The following PCGF5 variants were observed in gnomAD, a reference collection of about 807,000 sequenced individuals.
PCGF5 encodes the protein polycomb group ring finger 5.
Under a neutral mutation model 44.3 loss-of-function variants are expected in PCGF5, and 9 were observed. The ratio of observed to expected loss-of-function variants is 0.20; its 90% CI spans 0.12 to 0.35. PCGF5 has a LOEUF of 0.35. Ranked by LOEUF, PCGF5 falls within the 10% of genes least tolerant of loss-of-function variation. The pLI is 1.00. For synonymous variants in PCGF5, 95 were observed against 102.5 expected (o/e 0.93, Z 0.44); for missense variants, 146 against 305.3 (o/e 0.48, Z 3.89).
intron 6 of PCGF5, among the ~76,000 whole-genome samples, chr10:91,252,051 A>G (rs1395082502): frequency 6.6e-6 from 1 of 151,846 alleles, no homozygotes; most frequent in African/African-American, 2.4e-5. Flanking sequence ...AGTTTAAAAC[A>G]CTCTGCTTTT....
chr10:91,248,612 C>A (rs2133372247), intron 4 of PCGF5, 52 bp downstream of exon 4: 1 of 1,596,936 alleles, frequency 6.3e-7, no homozygotes, highest in Non-Finnish European at 8.6e-7. Flanking sequence ...GAAATCAACA[C>A]TTCTATTAAA....
chr10:91,217,321 C>T (rs750639975), upstream of PCGF5, among the ~76,000 whole-genome samples: 1 of 152,204 alleles, frequency 6.6e-6, no homozygotes, highest in Non-Finnish European at 1.5e-5. Flanking sequence ...CATGAGCCAC[C>T]GCACCCAGCT....
chr10:91,206,492 A>G (rs899283086), intron 1 of PCGF5, among the ~76,000 whole-genome samples: 7 of 152,168 alleles, frequency 4.6e-5, no homozygotes, highest in African/African-American at 1.7e-4. Context: ...ATCACCTGGG[A>G]TGAAACTAGC....
At chr10:91,162,862 C>A, upstream of PCGF5, 1 of 149,702 alleles carries the variant, frequency 6.7e-6, no homozygotes, top group South Asian at 1.8e-4. Flanking sequence ...GCGCTCGCCC[C>A]GCGCCCGCCG....
chr10:91,186,831 T>TTACATTTATA (rs1182794084), intron 1 of PCGF5, among the ~76,000 whole-genome samples: 1 of 152,078 alleles, frequency 6.6e-6, no homozygotes, highest in Non-Finnish European at 1.5e-5. Flanking sequence ...GGGGATTGCT[T>TTACATTTATA]TACATTTATA....
rs1050158374 is a variant in PCGF5 at position 91,284,296 on chromosome 10, G to A, written c.*5980G>A. ...TTTGTCATCTTTAATATTAGTCACT[G>A]TAGATTGCAGCCTTCATTAAAAATA... On this transcript the variant is annotated 3_prime_UTR_variant, in exon 10 of 10. Transcript: ENST00000336126. The A allele has an allele frequency of 5.2e-5, 8 of 152,468 alleles. No individual in the cohort carries two copies. Among genetic ancestry groups the A allele is most frequent in the Admixed American group, 6.5e-5 (1 of 15,276 alleles). 9.4% of individuals were successfully genotyped at this position (152,468 alleles called of 1,614,324 possible). A position where few individuals can be genotyped will look rare whatever the true frequency, so the allele number is the denominator to read the frequency against.
chr10:91,231,012 A>G (rs1249311593), intron 2 of PCGF5, among the ~76,000 whole-genome samples: 1 of 152,052 alleles, frequency 6.6e-6, no homozygotes, highest in Non-Finnish European at 1.5e-5. Flanking sequence ...AGCCTCCCAT[A>G]GTGCTGGAAT....
At chr10:91,276,843 G>A (rs1218712494) in intron 9 of PCGF5, among the ~76,000 whole-genome samples, 1 of 152,152 alleles carries the variant, frequency 6.6e-6, no homozygotes, top group African/African-American at 2.4e-5. Context: ...GCAAGCTGTG[G>A]GTTGGGTGAG....
intron 1 of PCGF5, among the ~76,000 whole-genome samples, chr10:91,171,139 CTG>C (rs143682185): frequency 0.037 from 5,571 of 152,166 alleles, 357 homozygotes; most frequent in African/African-American, 0.13. Context: ...TGAAACTACT[CTG>C]TGATATAACA....
At chr10:91,196,005 G>T (rs372282252) in intron 1 of PCGF5, among the ~76,000 whole-genome samples, 1 of 150,282 alleles carries the variant, frequency 6.7e-6, no homozygotes, top group Non-Finnish European at 1.5e-5. Flanking sequence ...AGATAAAATT[G>T]GGGTGGGTGG....
At position 91,278,572 on chromosome 10, in the gene PCGF5, C is replaced by A; in HGVS notation, c.*256C>A. ...AAAGTGTGCAAGTCATGGTAAAAAT[C>A]AGTTAGCTGTGCCGCCATGATTCAC... On this transcript the variant is annotated 3_prime_UTR_variant, in exon 10 of 10. Transcript: ENST00000336126. 2.3e-6 allele frequency: 1 copy of A among 427,524 alleles called. No homozygotes were observed. The highest frequency in any genetic ancestry group is 4.2e-6 in the Non-Finnish European group (1 of 239,540). The allele number at this position is 427,524 out of a possible 1,614,324, so 26.5% of individuals were successfully genotyped here.
At chr10:91,266,488 A>G (rs1427331585) in intron 8 of PCGF5, among the ~76,000 whole-genome samples, 1 of 152,212 alleles carries the variant, frequency 6.6e-6, no homozygotes, top group Non-Finnish European at 1.5e-5. Context: ...TTTAAGGCAT[A>G]TTTTAATAAA....
intron 1 of PCGF5, among the ~76,000 whole-genome samples, chr10:91,175,872 A>G (rs10785992): frequency 0.3 from 45,856 of 151,266 alleles, 8,491 homozygotes; most frequent in Non-Finnish European, 0.42. Context: ...CCAGTTTGCC[A>G]GTCTGTGTCT....
intron 1 of PCGF5, among the ~76,000 whole-genome samples, chr10:91,208,604 T>C (rs1435830337): frequency 6.6e-6 from 1 of 152,130 alleles, no homozygotes; most frequent in Non-Finnish European, 1.5e-5. Context: ...AAAATTCACC[T>C]CATTATCATG....
chr10:91,160,222 C>T (rs1843360892), upstream of PCGF5, among the ~76,000 whole-genome samples: 1 of 152,092 alleles, frequency 6.6e-6, no homozygotes, highest in Admixed American at 6.5e-5. Flanking sequence ...TAGCCATTCT[C>T]AGTCTTTGGG....
upstream of PCGF5, among the ~76,000 whole-genome samples, chr10:91,216,757 C>T (rs571427749): frequency 6.6e-6 from 1 of 152,262 alleles, no homozygotes; most frequent in South Asian, 2.1e-4. Context: ...AAGAGAAAGA[C>T]ATGGTCAAGG....
intron 1 of PCGF5, among the ~76,000 whole-genome samples, chr10:91,191,594 C>CAATTAA (rs1844034606): frequency 6.6e-6 from 1 of 152,158 alleles, no homozygotes; most frequent in Non-Finnish European, 1.5e-5. Flanking sequence ...TAGTCAGACA[C>CAATTAA]AATTGTGTTT....
At position 91,257,780 on chromosome 10, in the gene PCGF5, G is replaced by T. The variant is rs564637859; in HGVS notation, c.475-3546G>T. Among the ~76,000 whole-genome samples the T allele has an allele frequency of 2.0e-5, 3 of 152,170 alleles. No homozygotes were observed. The East Asian group carries it at 5.8e-4, about 29-fold the overall frequency. On this transcript the variant is annotated intron_variant, in intron 6 of 9. Transcript: ENST00000336126. The stretch of plus-strand genomic sequence containing the variant: ...TATTGACTGGGTAACTGAAATCAAG[G>T]AAAGTGAAACTGCAGATAAGGAGGG...
chr10:91,158,183 G>A (rs1281902797), upstream of PCGF5, among the ~76,000 whole-genome samples: 6 of 152,174 alleles, frequency 3.9e-5, no homozygotes, highest in African/African-American at 1.4e-4. Flanking sequence ...ATTTATAGGA[G>A]AGATAAGCTT....
Sources: allele counts gnomAD v4.1 joint callset (sites outside exome capture counted in the v4.1 genomes callset), GRCh38; gene constraint gnomAD v4.1.1; transcripts MANE v1.5; gene names NCBI Gene and HGNC (gene_info 2026-07-23, HGNC 2026-07-21).